TNKS: variants seen among roughly 807,000 people sequenced by gnomAD.
TNKS encodes tankyrase, also known as poly [ADP-ribose] polymerase tankyrase-1.
In TNKS, 72 loss-of-function variants were observed where a neutral mutation model predicts 135.8. The observed-to-expected ratio is 0.53, with a 90% CI of 0.44 to 0.64. The LOEUF is 0.64. Among genes scored for constraint, TNKS ranks in the 30% least tolerant of loss-of-function variants. TNKS has a pLI of 0.00. For missense variants in TNKS, 1,769 were observed against 1,674.0 expected (o/e 1.06, Z -0.99); for synonymous variants, 849 against 649.3 (o/e 1.31, Z -4.68).
chr8:9,620,191 G>A (rs772044133), intron 3 of TNKS, among the ~76,000 whole-genome samples: 6 of 152,032 alleles, frequency 3.9e-5, no homozygotes, highest in Non-Finnish European at 8.8e-5. Context: ...CTCGTGATCC[G>A]CTGCCTTGGC....
chr8:9,724,123 A>G (rs1189398853), intron 12 of TNKS, among the ~76,000 whole-genome samples: 2 of 152,202 alleles, frequency 1.3e-5, no homozygotes, highest in South Asian at 2.1e-4. Context: ...TAAGAAGCCC[A>G]TCTTTAATCT....
intron 3 of TNKS, among the ~76,000 whole-genome samples, chr8:9,636,069 C>G (rs999956803): frequency 3.9e-5 from 6 of 152,108 alleles, no homozygotes; most frequent in Non-Finnish European, 4.4e-5. Context: ...CACTGAAGTA[C>G]TAAACGCAAG....
intron 3 of TNKS, among the ~76,000 whole-genome samples, chr8:9,674,816 G>C (rs1381965852): frequency 2.0e-5 from 3 of 152,174 alleles, no homozygotes. Flanking sequence ...TTCAAACTTA[G>C]AATTTAAGGA....
chr8:9,713,590 C>T (rs553111200), intron 11 of TNKS, among the ~76,000 whole-genome samples: 1 of 152,278 alleles, frequency 6.6e-6, no homozygotes, highest in East Asian at 1.9e-4. Flanking sequence ...TGTGTTCATC[C>T]TAGTCTTTCC....
At chr8:9,772,831 C>CTGTGTGTGTGTGTGTG (rs71201974) in intron 26 of TNKS, among the ~76,000 whole-genome samples, 5 of 119,034 alleles carry the variant, frequency 4.2e-5, no homozygotes, top group Non-Finnish European at 8.6e-5. Context: ...GTGTGTGTGT[C>CTGTGTGTGTGTGTGTG]TGTGTGTGTG....
In TNKS at chr8:9,778,871, C is replaced by A. The variant is rs1808350083; in HGVS notation, c.*2135C>A. On this transcript the variant is annotated 3_prime_UTR_variant, in exon 27 of 27. Coordinates refer to ENST00000310430, the MANE Select transcript of TNKS (RefSeq NM_003747.3). ...ATAGATATGGAAAGCTTTATGGCTT[C>A]ATTAAAAAGATAAACCACTACCTAA... The A allele has an allele frequency of 6.6e-6, 1 of 152,170 alleles. No individual in the cohort carries two copies. The highest frequency in any genetic ancestry group is 1.5e-5 in the Non-Finnish European group (1 of 68,032). 9.4% of individuals were successfully genotyped at this position (152,170 alleles called of 1,614,324 possible).
intron 26 of TNKS, among the ~76,000 whole-genome samples, chr8:9,774,139 T>C (rs1808097543): frequency 6.6e-6 from 1 of 152,230 alleles, no homozygotes; most frequent in Non-Finnish European, 1.5e-5. Flanking sequence ...GGACTTAAGA[T>C]GTCAGTGGTA....
intron 2 of TNKS, among the ~76,000 whole-genome samples, chr8:9,603,204 C>T (rs1032826173): frequency 3.9e-5 from 6 of 152,098 alleles, no homozygotes; most frequent in Non-Finnish European, 8.8e-5. Flanking sequence ...AGGTGCACGC[C>T]ACCACACCCA....
chr8:9,691,461 G>T (rs1230512835), intron 5 of TNKS, among the ~76,000 whole-genome samples: 2 of 152,074 alleles, frequency 1.3e-5, no homozygotes, highest in Non-Finnish European at 2.9e-5. Flanking sequence ...AGTAATTCTT[G>T]CCCCTCAGCT....
At chr8:9,607,573 C>G (rs773338789) in intron 2 of TNKS, among the ~76,000 whole-genome samples, 7 of 152,178 alleles carry the variant, frequency 4.6e-5, no homozygotes, top group African/African-American at 7.2e-5. Flanking sequence ...TGCAAAGCAT[C>G]TTTGCCTATG....
chr8:9,584,703 T>G (rs537475015), intron 2 of TNKS, among the ~76,000 whole-genome samples: 2 of 152,312 alleles, frequency 1.3e-5, no homozygotes, highest in African/African-American at 4.8e-5. Context: ...TCTTGAATCT[T>G]TATTTAAGTC....
At chr8:9,658,861 A>G (rs75485429) in intron 3 of TNKS, among the ~76,000 whole-genome samples, 17,886 of 152,248 alleles carry the variant, frequency 0.12, 1,259 homozygotes, top group Admixed American at 0.22. Flanking sequence ...AGAGGCACAC[A>G]TAGGCTCAAA....
At chr8:9,693,632 T>G (rs1803381138) in intron 5 of TNKS, among the ~76,000 whole-genome samples, 1 of 152,092 alleles carries the variant, frequency 6.6e-6, no homozygotes, top group African/African-American at 2.4e-5. Context: ...TATACAATAC[T>G]TTATTTGTGA....
At chr8:9,759,163 C>T (rs1290617145) in intron 20 of TNKS, among the ~76,000 whole-genome samples, 1 of 152,228 alleles carries the variant, frequency 6.6e-6, no homozygotes, top group Non-Finnish European at 1.5e-5. Context: ...CCAGCCTGCA[C>T]TCCAGGGGAG....
chr8:9,608,525 C>CA (rs1205950505), intron 2 of TNKS, among the ~76,000 whole-genome samples: 4 of 152,074 alleles, frequency 2.6e-5, no homozygotes, highest in African/African-American at 9.7e-5. Context: ...GACCTCTACT[C>CA]ACTTTGTTGT....
intron 13 of TNKS, among the ~76,000 whole-genome samples, chr8:9,730,399 A>G (rs568533361): frequency 8.3e-4 from 126 of 152,204 alleles, no homozygotes; most frequent in Non-Finnish European, 1.6e-3. Flanking sequence ...GCTACAGTCA[A>G]TCAAAAGACC....
intron 3 of TNKS, among the ~76,000 whole-genome samples, chr8:9,658,926 G>C (rs1051403759): frequency 1.3e-5 from 2 of 152,138 alleles, no homozygotes; most frequent in African/African-American, 4.8e-5. Context: ...AAAGGCAGGG[G>C]TTGCAATCGT....
intron 20 of TNKS, among the ~76,000 whole-genome samples, chr8:9,760,116 CAT>C (rs1244706786): frequency 1.3e-5 from 2 of 151,930 alleles, no homozygotes; most frequent in Non-Finnish European, 2.9e-5. Context: ...ACATCAATAA[CAT>C]AGTTTCCAAA....
rs923400743 is a variant in TNKS at position 9,569,128 on chromosome 8, C to G, written c.674-11031C>G. On this transcript the variant is annotated intron_variant, in intron 1 of 26. Coordinates refer to ENST00000310430, the MANE Select transcript of TNKS (RefSeq NM_003747.3). ...CTTATAGCAATAGTTGCAAGTGTTA[C>G]AGAATTCTAGTATTTCCTTGAAAGC... is the stretch of plus-strand genomic sequence containing the variant. 4.6e-5 allele frequency among the ~76,000 whole-genome samples: 7 copies of G among 152,184 alleles called. No individual in the cohort carries two copies. In the East Asian group the frequency reaches 1.3e-3, roughly 29 times the overall value.
Sources: allele counts gnomAD v4.1 joint callset (sites outside exome capture counted in the v4.1 genomes callset), GRCh38; gene constraint gnomAD v4.1.1; transcripts MANE v1.5; gene names NCBI Gene and HGNC (gene_info 2026-07-23, HGNC 2026-07-21).